Variants in DOCK7 observed in about 807,000 individuals in gnomAD.
The protein encoded by DOCK7 is dedicator of cytokinesis 7, also known as dedicator of cytokinesis protein 7.
Under a neutral mutation model 271.0 loss-of-function variants are expected in DOCK7, and 138 were observed. The ratio of observed to expected loss-of-function variants is 0.51; its 90% CI spans 0.44 to 0.59. The LOEUF (loss-of-function observed/expected upper bound fraction) is 0.59. DOCK7 is among the 20% of genes least tolerant of loss of function. The pLI is 0.00. For missense variants in DOCK7, 2,066 were observed against 2,592.4 expected, an observed-to-expected ratio of 0.80 and a Z score of 4.41; for synonymous variants, 823 against 876.1, an observed-to-expected ratio of 0.94 and a Z score of 1.07.
intron 14 of DOCK7, among the ~76,000 whole-genome samples, chr1:62,617,692 C>A (rs1557809203): frequency 6.6e-5 from 10 of 151,608 alleles, no homozygotes. Flanking sequence ...ACACTGGTTT[C>A]AATGACATAT....
In DOCK7 at chr1:62,653,999, G is replaced by A. The variant is rs762479456; in HGVS notation, c.305C>T (p.Ala102Val). The A allele has an allele frequency of 7.6e-5, 122 of 1,613,352 alleles. No individual in the cohort carries two copies. Among genetic ancestry groups the A allele is most frequent in the Non-Finnish European group, 9.9e-5 (117 of 1,179,760 alleles). The stretch of plus-strand genomic sequence containing the variant: ...GTCTCCTTACCTTTCTTCAGGTACA[G>A]CTGAAACAAGAGTTCTGCAGTCCCG... ...SPRDCRTLVSAVPEESEMDPH... is the reference protein window; with the variant it reads ...SPRDCRTLVSVVPEESEMDPH... The change falls in exon 3 of 50, where the codon GCT becomes GTT. Residue 102 changes from alanine to valine, a missense_variant. Physicochemically the swap from Ala to Val is moderately conservative, Grantham distance 64. Transcript: ENST00000635253.
In DOCK7 at chr1:62,553,350, ATATATTTTTTTTTTTTTT is replaced by A. The variant is rs1414144744; in HGVS notation, c.2597-467_2597-450del. Among the ~76,000 whole-genome samples, 136 of 14,826 alleles carry A rather than the reference ATATATTTTTTTTTTTTTT, an allele frequency of 9.2e-3. 1 individual carries two copies. The highest frequency in any genetic ancestry group is 0.013 in the Admixed American group (12 of 912). 9.7% of individuals were successfully genotyped at this position (14,826 alleles called of 152,430 possible). A position where few individuals can be genotyped will look rare whatever the true frequency, so the allele number is the denominator to read the frequency against. ...TATATATATATATATATATATATAT[ATATATTTTTTTTTTTTTT>A]TTTTTTTTTTTTTTTTTAATAGGCA... is the stretch of plus-strand genomic sequence containing the variant. On this transcript the variant is annotated intron_variant, in intron 21 of 49. Transcript: ENST00000635253.
At chr1:62,646,260 TA>T in intron 7 of DOCK7, among the ~76,000 whole-genome samples, 1 of 151,774 alleles carries the variant, frequency 6.6e-6, no homozygotes, top group South Asian at 2.1e-4. Context: ...TGGCCACATA[TA>T]ATTCCACTTA....
intron 14 of DOCK7, chr1:62,609,356 G>T (rs976413740): frequency 6.6e-6 from 1 of 151,828 alleles, no homozygotes; most frequent in Non-Finnish European, 1.5e-5. Flanking sequence ...AAAATGACTG[G>T]GTATATAATT....
intron 29 of DOCK7, 120 bp downstream of exon 29, chr1:62,535,373 G>C (rs1007845829): frequency 1.1e-4 from 84 of 765,090 alleles, no homozygotes; most frequent in Admixed American, 3.2e-4. Context: ...AGTGAAGAGG[G>C]AAGTAGAAAA....
At chr1:62,636,144 C>T (rs1285745520) in intron 8 of DOCK7, among the ~76,000 whole-genome samples, 2 of 152,008 alleles carry the variant, frequency 1.3e-5, no homozygotes, top group Admixed American at 6.6e-5. Flanking sequence ...CCCAGCTACT[C>T]GGGAGGCTGA....
intron 9 of DOCK7, 91 bp downstream of exon 9, chr1:62,634,682 G>T: frequency 6.1e-6 from 8 of 1,318,096 alleles, no homozygotes; most frequent in South Asian, 1.4e-5. Context: ...ATATGTAAAG[G>T]TCAAATCTTT....
chr1:62,457,835 G>A, intron 48 of DOCK7, 130 bp from the exon 49 acceptor site: 1 of 845,586 alleles, frequency 1.2e-6, no homozygotes, highest in South Asian at 1.7e-5. Flanking sequence ...ATATATGTGG[G>A]CCTAATCACA....
chr1:62,588,507 C>CAAT (rs1356141466), intron 14 of DOCK7, among the ~76,000 whole-genome samples: 1 of 152,108 alleles, frequency 6.6e-6, no homozygotes, highest in Non-Finnish European at 1.5e-5. Context: ...TTTTCCAGAG[C>CAAT]CTAGATTTTA....
chr1:62,544,467 G>A (rs1353695324), intron 23 of DOCK7, among the ~76,000 whole-genome samples: 1 of 152,148 alleles, frequency 6.6e-6, no homozygotes, highest in East Asian at 1.9e-4. Context: ...ATCATATACT[G>A]TTCACATTCA....
rs568189918 is a variant in DOCK7, at chr1:62,654,251, A to G, written c.145-92T>C. On this transcript the variant is annotated intron_variant, in intron 2 of 49. Coordinates refer to ENST00000635253, the MANE Select transcript of DOCK7 (RefSeq NM_001367561.1). ...AAGGCAAATAACATTTTTTTAAATAAAAGCTTTTAATCTAGTTCTTTCTAA... is the reference window on the plus strand; with the variant it reads ...AAGGCAAATAACATTTTTTTAAATAGAAGCTTTTAATCTAGTTCTTTCTAA... 3.5e-4 allele frequency: 439 copies of G among 1,246,588 alleles called. 2 individuals are homozygous for G. The Middle Eastern group carries it at 8.1e-3, about 23-fold the overall frequency. The allele number at this position is 1,246,588 out of a possible 1,614,324, so 77.2% of individuals were successfully genotyped here. A position where few individuals can be genotyped will look rare whatever the true frequency, so the allele number is the denominator to read the frequency against.
intron 26 of DOCK7, 44 bp from the exon 27 acceptor site, chr1:62,539,702 G>A: frequency 1.2e-6 from 2 of 1,610,998 alleles, no homozygotes; most frequent in Non-Finnish European, 1.7e-6. Flanking sequence ...AAGTATGATA[G>A]CTTAATCTGA....
intron 10 of DOCK7, 77 bp from the exon 11 acceptor site, chr1:62,631,482 G>A (rs1654622215): frequency 3.9e-6 from 5 of 1,266,612 alleles, no homozygotes; most frequent in African/African-American, 1.5e-5. Context: ...ACTACATAAA[G>A]GAAAAGGATG....
chr1:62,687,294 A>G (rs938695600), intron 1 of DOCK7, among the ~76,000 whole-genome samples: 3 of 152,232 alleles, frequency 2.0e-5, no homozygotes, highest in Non-Finnish European at 4.4e-5. Context: ...GTCCTCTGTC[A>G]TTTAATTTTT....
Position 62,552,733 on chromosome 1 carries a change from TTAC to T in DOCK7, c.2762_2764del (p.Ser921del). ...TACAGATGCATGTCTTCAGTTTACC[TTAC>T]TCCCGATGATTGATCGAACTTCATC... On this transcript the variant is annotated inframe_deletion and splice_region_variant, in exon 22 of 50. Transcript: ENST00000635253. The T allele has an allele frequency of 6.2e-7, 1 of 1,606,852 alleles. No individual in the cohort carries two copies. Among genetic ancestry groups the T allele is most frequent in the South Asian group, 1.1e-5 (1 of 89,914 alleles).
chr1:62,586,438 C>G, intron 15 of DOCK7, 69 bp downstream of exon 15: 1 of 1,215,608 alleles, frequency 8.2e-7, no homozygotes. Context: ...AGTTGCCAAC[C>G]AAAGAGAAAG....
At chr1:62,463,608 TA>T (rs1284094542) in intron 48 of DOCK7, among the ~76,000 whole-genome samples, 1 of 152,182 alleles carries the variant, frequency 6.6e-6, no homozygotes, top group East Asian at 1.9e-4. Context: ...GGCATATTCA[TA>T]AAACGGATTA....
rs1321761698 is a variant in DOCK7, at chr1:62,552,714, T to G, written c.2766+18A>C. On this transcript the variant is annotated intron_variant, in intron 22 of 49. Transcript: ENST00000635253. ...ACAAAACAAAAACCAAATTTACAGA[T>G]GCATGTCTTCAGTTTACCTTACTCC... The G allele has an allele frequency of 6.3e-7, 1 of 1,577,916 alleles. No homozygotes were observed.
At chr1:62,464,185 G>A (rs1028055875) in intron 48 of DOCK7, among the ~76,000 whole-genome samples, 2 of 151,678 alleles carry the variant, frequency 1.3e-5, no homozygotes, top group African/African-American at 4.8e-5. Context: ...TCAGCCTCCC[G>A]AGTAGCTAGG....
Sources: gnomAD v4.1 joint callset for allele counts (sites outside exome capture counted in the v4.1 genomes callset) on GRCh38, gnomAD v4.1.1 for gene constraint, MANE v1.5 for transcripts, NCBI Gene and HGNC (gene_info 2026-07-23, HGNC 2026-07-21) for gene names.